Variants in LRRC4C observed in about 807,000 individuals in gnomAD.
LRRC4C encodes leucine rich repeat containing 4C.
A neutral mutation model predicts 33.6 loss-of-function variants in LRRC4C; 5 were observed. That is an observed-to-expected ratio of 0.15 (90% confidence interval 0.08 to 0.31). The LOEUF (loss-of-function observed/expected upper bound fraction) is 0.31. LRRC4C is among the 10% of genes least tolerant of loss of function. The probability of loss-of-function intolerance (pLI) is 1.00; values close to 1 mark genes in which losing one functional copy is unlikely to be tolerated. For missense variants in LRRC4C, 560 were observed against 796.7 expected (o/e 0.70, Z 3.58); for synonymous variants, 329 against 302.0 (o/e 1.09, Z -0.93).
intron 2 of LRRC4C, among the ~76,000 whole-genome samples, chr11:40,784,373 A>G (rs1286518542): frequency 6.6e-6 from 1 of 152,140 alleles, no homozygotes; most frequent in Non-Finnish European, 1.5e-5. Flanking sequence ...GTTCCGTCCT[A>G]CCTCTCTCGT....
intron 1 of LRRC4C, among the ~76,000 whole-genome samples, chr11:41,457,555 G>C (rs1956209059): frequency 6.6e-6 from 1 of 151,896 alleles, no homozygotes; most frequent in Non-Finnish European, 1.5e-5. Flanking sequence ...ACCTCAGATT[G>C]TTTTTTCCAT....
intron 3 of LRRC4C, among the ~76,000 whole-genome samples, chr11:40,440,306 T>C (rs994467528): frequency 6.6e-6 from 1 of 151,408 alleles, no homozygotes; most frequent in Non-Finnish European, 1.5e-5. Context: ...TTTCTTTTTT[T>C]TTTTTTTTTT....
intron 1 of LRRC4C, among the ~76,000 whole-genome samples, chr11:41,103,669 T>C (rs1941332705): frequency 6.6e-6 from 1 of 151,874 alleles, no homozygotes; most frequent in African/African-American, 2.4e-5. Context: ...CAGCAAAAAA[T>C]GCCAGCATAA....
intron 3 of LRRC4C, among the ~76,000 whole-genome samples, chr11:40,603,100 C>T (rs947131266): frequency 2.0e-5 from 3 of 151,908 alleles, no homozygotes; most frequent in Non-Finnish European, 4.4e-5. Flanking sequence ...AGGCACAAGG[C>T]GAGGAAATAG....
chr11:40,659,205 A>T (rs1943292105), intron 2 of LRRC4C, among the ~76,000 whole-genome samples: 1 of 152,194 alleles, frequency 6.6e-6, no homozygotes, highest in African/African-American at 2.4e-5. Context: ...ACCCAGTCAG[A>T]TGTGCATGCA....
chr11:40,786,767 C>T (rs2137330163), intron 2 of LRRC4C, among the ~76,000 whole-genome samples: 1 of 152,172 alleles, frequency 6.6e-6, no homozygotes, highest in African/African-American at 2.4e-5. Flanking sequence ...TCACCCACCC[C>T]AAATAGACAC....
At chr11:40,809,438 T>G (rs937022556) in intron 2 of LRRC4C, among the ~76,000 whole-genome samples, 1 of 152,176 alleles carries the variant, frequency 6.6e-6, no homozygotes, top group Non-Finnish European at 1.5e-5. Flanking sequence ...TTGTTCAAAC[T>G]TTTTTCACTG....
At chr11:40,285,065 G>C (rs1943742177) in intron 4 of LRRC4C, among the ~76,000 whole-genome samples, 1 of 152,048 alleles carries the variant, frequency 6.6e-6, no homozygotes, top group Non-Finnish European at 1.5e-5. Flanking sequence ...ACCATTTCTT[G>C]AGCATTTGAT....
chr11:40,167,934 C>T (rs1353562818), intron 5 of LRRC4C, among the ~76,000 whole-genome samples: 1 of 152,220 alleles, frequency 6.6e-6, no homozygotes, highest in Admixed American at 6.5e-5. Flanking sequence ...ATCCCAGCTA[C>T]CGGGGAGGCT....
At chr11:40,975,556 C>T (rs905933992) in intron 1 of LRRC4C, among the ~76,000 whole-genome samples, 1 of 152,168 alleles carries the variant, frequency 6.6e-6, no homozygotes, top group African/African-American at 2.4e-5. Flanking sequence ...TGCTTGTTTG[C>T]TAAATACGTT....
chr11:41,323,132 A>G (rs1351922792), intron 1 of LRRC4C, among the ~76,000 whole-genome samples: 1 of 152,198 alleles, frequency 6.6e-6, no homozygotes, highest in Non-Finnish European at 1.5e-5. Context: ...AAAGTGTGGA[A>G]AGTGTCCTGT....
intron 1 of LRRC4C, among the ~76,000 whole-genome samples, chr11:41,264,718 C>T (rs1216937638): frequency 1.3e-5 from 2 of 152,098 alleles, no homozygotes; most frequent in Non-Finnish European, 2.9e-5. Context: ...CGAAGTTATT[C>T]TGAGGCTGGT....
intron 3 of LRRC4C, among the ~76,000 whole-genome samples, chr11:40,591,787 C>T (rs1160162448): frequency 6.6e-6 from 1 of 152,192 alleles, no homozygotes; most frequent in Non-Finnish European, 1.5e-5. Flanking sequence ...TGAGTTATTT[C>T]TTGTAAATGC....
At chr11:40,760,332 C>T (rs533288591) in intron 2 of LRRC4C, among the ~76,000 whole-genome samples, 19 of 150,262 alleles carry the variant, frequency 1.3e-4, no homozygotes, top group Non-Finnish European at 2.2e-4. Context: ...CTCTTCGTGC[C>T]GAAAAAGGGA....
At chr11:41,013,713 A>G (rs970194149) in intron 1 of LRRC4C, among the ~76,000 whole-genome samples, 19 of 152,168 alleles carry the variant, frequency 1.2e-4, no homozygotes. Flanking sequence ...TGATGCCTGT[A>G]TTAGTCCGTT....
At chr11:41,397,044 G>A (rs1304917244) in intron 1 of LRRC4C, among the ~76,000 whole-genome samples, 1 of 151,896 alleles carries the variant, frequency 6.6e-6, no homozygotes, top group African/African-American at 2.4e-5. Flanking sequence ...AAGACACAGG[G>A]AGAGTAAATA....
intron 1 of LRRC4C, among the ~76,000 whole-genome samples, chr11:41,414,586 T>C (rs1591467014): frequency 6.6e-6 from 1 of 152,162 alleles, no homozygotes; most frequent in East Asian, 1.9e-4. Flanking sequence ...TTCTTCAAGT[T>C]GCTCCAGGAG....
chr11:40,171,406 G>A (rs1033934735), intron 5 of LRRC4C, among the ~76,000 whole-genome samples: 3 of 152,110 alleles, frequency 2.0e-5, no homozygotes, highest in Non-Finnish European at 2.9e-5. Flanking sequence ...AGCAATAACT[G>A]GAACCATCTA....
intron 2 of LRRC4C, among the ~76,000 whole-genome samples, chr11:40,678,936 G>GAGGGCTCC (rs1000314367): frequency 6.6e-6 from 1 of 152,080 alleles, no homozygotes; most frequent in African/African-American, 2.4e-5. Flanking sequence ...GCAGAGGTTG[G>GAGGGCTCC]AACAGTTTGG....
Sources: allele counts gnomAD v4.1 joint callset (sites outside exome capture counted in the v4.1 genomes callset), GRCh38; gene constraint gnomAD v4.1.1; transcripts MANE v1.5; gene names NCBI Gene and HGNC (gene_info 2026-07-23, HGNC 2026-07-21).